Variants in CHSY3 observed in about 807,000 individuals in gnomAD.
CHSY3 encodes the protein N-acetylgalactosaminyl-proteoglycan 3-beta-glucuronosyltransferase 3.
A neutral mutation model predicts 67.2 loss-of-function variants in CHSY3; 35 were observed. The observed-to-expected ratio is 0.52, with a 90% CI of 0.40 to 0.69. The LOEUF (loss-of-function observed/expected upper bound fraction) is 0.69. CHSY3 is among the 30% of genes least tolerant of loss of function. The pLI is 0.00. For missense variants in CHSY3, 1,069 were observed against 1,138.5 expected (o/e 0.94, Z 0.88); for synonymous variants, 474 against 434.7 (o/e 1.09, Z -1.12).
intron 2 of CHSY3, among the ~76,000 whole-genome samples, chr5:130,006,153 G>T (rs377601747): frequency 6.6e-6 from 1 of 152,134 alleles, no homozygotes; most frequent in Non-Finnish European, 1.5e-5. Context: ...CACATTCTTG[G>T]ATTATACTTG....
chr5:129,944,367 A>G (rs771788184), intron 2 of CHSY3, among the ~76,000 whole-genome samples: 2 of 152,176 alleles, frequency 1.3e-5, no homozygotes, highest in Non-Finnish European at 2.9e-5. Flanking sequence ...TGCCTGTGAT[A>G]AAGTCACTCA....
intron 2 of CHSY3, among the ~76,000 whole-genome samples, chr5:129,959,905 G>T (rs1238827766): frequency 6.6e-6 from 1 of 151,920 alleles, no homozygotes; most frequent in African/African-American, 2.4e-5. Flanking sequence ...CTTGATTATT[G>T]CATTGCCATG....
At chr5:129,993,688 T>C (rs1384509380) in intron 2 of CHSY3, among the ~76,000 whole-genome samples, 1 of 152,198 alleles carries the variant, frequency 6.6e-6, no homozygotes, top group Admixed American at 6.5e-5. Flanking sequence ...TGTCTTTTAA[T>C]TGGAGCATTT....
chr5:130,163,339 T>G (rs1181360345), intron 2 of CHSY3, among the ~76,000 whole-genome samples: 1 of 152,172 alleles, frequency 6.6e-6, no homozygotes, highest in African/African-American at 2.4e-5. Flanking sequence ...GAGAAATTAA[T>G]AGACATATAT....
chr5:129,981,662 G>A (rs1762988810), intron 2 of CHSY3, among the ~76,000 whole-genome samples: 1 of 152,088 alleles, frequency 6.6e-6, no homozygotes, highest in Non-Finnish European at 1.5e-5. Context: ...GGAATTACAG[G>A]TGCAAGCAAC....
rs543387783 is a variant in CHSY3 at position 129,906,670 on chromosome 5, G to A, written c.802+1039G>A. Among the ~76,000 whole-genome samples the A allele has an allele frequency of 2.0e-5, 3 of 152,326 alleles. No individual in the cohort carries two copies. The East Asian group carries it at 5.8e-4, about 29-fold the overall frequency. ...CAGTCCAGCCAGTTGCTGAGATGGG[G>A]AGCAACGCAAGGGAAGCAGCAGGGT... On this transcript the variant is annotated intron_variant, in intron 1 of 2. Transcript: ENST00000305031.
chr5:130,033,986 G>A (rs1439643079), intron 2 of CHSY3, among the ~76,000 whole-genome samples: 1 of 152,154 alleles, frequency 6.6e-6, no homozygotes, highest in Non-Finnish European at 1.5e-5. Context: ...TAAAATGCAA[G>A]TTGCAAAAGA....
chr5:129,974,065 G>A (rs1762722763), intron 2 of CHSY3, among the ~76,000 whole-genome samples: 1 of 152,088 alleles, frequency 6.6e-6, no homozygotes, highest in African/African-American at 2.4e-5. Context: ...TGTAAAAATA[G>A]CCTATTATCC....
At chr5:130,136,849 C>T (rs1382192233) in intron 2 of CHSY3, among the ~76,000 whole-genome samples, 1 of 152,062 alleles carries the variant, frequency 6.6e-6, no homozygotes, top group Non-Finnish European at 1.5e-5. Flanking sequence ...ATTGAATTCA[C>T]CACCCAACCC....
intron 2 of CHSY3, among the ~76,000 whole-genome samples, chr5:130,151,654 G>A (rs554748595): frequency 2.0e-5 from 3 of 152,232 alleles, no homozygotes; most frequent in South Asian, 4.1e-4. Context: ...AAGCAAACAC[G>A]TCCTCCTTCA....
intron 2 of CHSY3, among the ~76,000 whole-genome samples, chr5:130,002,887 T>C (rs1763772115): frequency 6.6e-6 from 1 of 152,210 alleles, no homozygotes; most frequent in Non-Finnish European, 1.5e-5. Context: ...GCCACACTTC[T>C]AACCCAACTG....
At chr5:130,083,848 AT>A (rs533932938) in intron 2 of CHSY3, among the ~76,000 whole-genome samples, 83 of 148,536 alleles carry the variant, frequency 5.6e-4, no homozygotes, top group Admixed American at 1.1e-3. Flanking sequence ...AGAAGTATAC[AT>A]TTTTTTTTTG....
intron 2 of CHSY3, among the ~76,000 whole-genome samples, chr5:130,026,961 G>A (rs577085214): frequency 6.6e-6 from 1 of 152,270 alleles, no homozygotes; most frequent in South Asian, 2.1e-4. Context: ...ATAGTGGGGA[G>A]TGGGATGCCT....
intron 2 of CHSY3, among the ~76,000 whole-genome samples, chr5:129,941,900 G>C (rs972995474): frequency 7.9e-5 from 12 of 152,244 alleles, no homozygotes; most frequent in African/African-American, 2.9e-4. Flanking sequence ...CTTTGGATTT[G>C]ATTAATTTGC....
At chr5:129,932,615 T>C (rs1761352547) in intron 2 of CHSY3, among the ~76,000 whole-genome samples, 3 of 152,148 alleles carry the variant, frequency 2.0e-5, no homozygotes. Context: ...CATCAACTTC[T>C]TAGGGTTGAC....
intron 2 of CHSY3, among the ~76,000 whole-genome samples, chr5:129,978,171 A>G (rs1762868872): frequency 6.6e-6 from 1 of 152,122 alleles, no homozygotes. Flanking sequence ...TTAGAGTACT[A>G]ATTATTTTGT....
At chr5:130,046,967 TA>T (rs200956880) in intron 2 of CHSY3, among the ~76,000 whole-genome samples, 3,716 of 151,904 alleles carry the variant, frequency 0.024, 70 homozygotes, top group Admixed American at 0.038. Flanking sequence ...AATTAAAATT[TA>T]AAATATGGTA....
At chr5:130,179,513 G>C (rs1386270524) in intron 2 of CHSY3, among the ~76,000 whole-genome samples, 1 of 151,908 alleles carries the variant, frequency 6.6e-6, no homozygotes, top group African/African-American at 2.4e-5. Context: ...TTTCATGCCT[G>C]TGATAGAGTT....
At position 130,001,392 on chromosome 5, in the gene CHSY3, T is replaced by C. The variant is rs954552697; in HGVS notation, c.1086+93032T>C. Reference sequence around the variant, plus strand: ...CTTCCTCCTACTCTTCTTCTCCTTTTCCTCCAGAGTTAGTAGGCTGCTGAA... The same window carrying C: ...CTTCCTCCTACTCTTCTTCTCCTTTCCCTCCAGAGTTAGTAGGCTGCTGAA... On this transcript the variant is annotated intron_variant, in intron 2 of 2. Transcript: ENST00000305031. 7 of 896,864 alleles carry C rather than the reference T, an allele frequency of 7.8e-6. No homozygotes were observed. The African/African-American group carries it at 1.1e-4, about 14-fold the overall frequency. 55.6% of individuals were successfully genotyped at this position (896,864 alleles called of 1,614,324 possible).
Sources: gnomAD v4.1 joint callset for allele counts (sites outside exome capture counted in the v4.1 genomes callset) on GRCh38, gnomAD v4.1.1 for gene constraint, MANE v1.5 for transcripts, NCBI Gene and HGNC (gene_info 2026-07-23, HGNC 2026-07-21) for gene names.